The following ZFHX4 variants were observed in gnomAD, a reference collection of about 807,000 sequenced individuals.
ZFHX4 encodes zinc finger homeobox protein 4.
A neutral mutation model predicts 267.6 loss-of-function variants in ZFHX4; 56 were observed. The ratio of observed to expected loss-of-function variants is 0.21; its 90% CI spans 0.17 to 0.26. The LOEUF (loss-of-function observed/expected upper bound fraction) is 0.26. Among genes scored for constraint, ZFHX4 ranks in the 10% least tolerant of loss-of-function variants. ZFHX4 has a pLI of 1.00. For synonymous variants in ZFHX4, 1,778 were observed against 1,665.6 expected (o/e 1.07, Z -1.64); for missense variants, 4,332 against 4,420.0 (o/e 0.98, Z 0.56).
chr8:76,720,390 T>C (rs1430459855), intron 3 of ZFHX4, among the ~76,000 whole-genome samples: 1 of 152,170 alleles, frequency 6.6e-6, no homozygotes. Context: ...ATAGGTATAG[T>C]ACACTTTATT....
chr8:76,703,600 A>T (rs1449823896), intron 1 of ZFHX4: 1 of 154,346 alleles, frequency 6.5e-6, no homozygotes, highest in Non-Finnish European at 1.4e-5. Flanking sequence ...CCTTCTAGTC[A>T]CTGCCTGATA....
chr8:76,816,147 T>G (rs1373462731), intron 4 of ZFHX4, among the ~76,000 whole-genome samples: 1 of 152,200 alleles, frequency 6.6e-6, no homozygotes, highest in East Asian at 1.9e-4. Context: ...CAAAGCTAAT[T>G]CATGGTGCAA....
intron 4 of ZFHX4, chr8:76,782,366 T>C (rs1585939394): frequency 1.1e-5 from 2 of 175,914 alleles, no homozygotes; most frequent in African/African-American, 4.7e-5. Context: ...TTACCCCTTG[T>C]TAAGAATAAA....
chr8:76,835,778 G>A (rs1214363949), intron 5 of ZFHX4, among the ~76,000 whole-genome samples: 1 of 151,840 alleles, frequency 6.6e-6, no homozygotes, highest in Non-Finnish European at 1.5e-5. Flanking sequence ...AACATTTCAA[G>A]CTAAAAACAG....
intron 4 of ZFHX4, among the ~76,000 whole-genome samples, chr8:76,829,611 CCAGTTTG>C (rs1811880565): frequency 6.6e-6 from 1 of 152,048 alleles, no homozygotes; most frequent in East Asian, 1.9e-4. Flanking sequence ...GAGTTCAAGA[CCAGTTTG>C]GTCAACATGA....
intron 5 of ZFHX4, among the ~76,000 whole-genome samples, chr8:76,836,555 A>G (rs893321912): frequency 2.6e-5 from 4 of 152,136 alleles, no homozygotes; most frequent in Non-Finnish European, 5.9e-5. Context: ...TTTGGAAAAA[A>G]TTGGTCCCAT....
At chr8:76,825,514 A>G (rs1409327784) in intron 4 of ZFHX4, among the ~76,000 whole-genome samples, 1 of 152,240 alleles carries the variant, frequency 6.6e-6, no homozygotes, top group Non-Finnish European at 1.5e-5. Flanking sequence ...GGGTTGCTGT[A>G]GCAGAAGTTG....
chr8:76,849,175 T>G (rs1297117191), intron 7 of ZFHX4, 47 bp downstream of exon 7: 1 of 1,507,894 alleles, frequency 6.6e-7, no homozygotes, highest in Non-Finnish European at 8.9e-7. Context: ...TATTTTTTAT[T>G]GCTCCTGATA....
At position 76,852,658 on chromosome 8, in the gene ZFHX4, T is replaced by C. The variant is rs756067612; in HGVS notation, c.5737T>C (p.Leu1913=). 10 of 1,613,644 alleles carry C rather than the reference T, an allele frequency of 6.2e-6. No individual in the cohort carries two copies. The South Asian group carries it at 6.6e-5, about 11-fold the overall frequency. The part of the protein sequence containing the change: ...GARGNAAKAL[L]ENFGFELVIQ... ...CAGAGGAAATGCTGCCAAAGCGTTA[T>C]TGGAAAACTTTGGTTTTGAACTGGT... The change falls in exon 10 of 11, where the codon TTG becomes CTG. Residue 1913 remains leucine (L), a synonymous_variant. Coordinates refer to ENST00000651372, the MANE Select transcript of ZFHX4 (RefSeq NM_024721.5).
intron 1 of ZFHX4, among the ~76,000 whole-genome samples, chr8:76,702,444 T>A (rs1483663331): frequency 1.3e-5 from 2 of 152,208 alleles, no homozygotes; most frequent in Admixed American, 1.3e-4. Context: ...ATACTTCATA[T>A]GCCAGTGACC....
At chr8:76,738,146 C>G (rs981458782) in intron 3 of ZFHX4, among the ~76,000 whole-genome samples, 7 of 152,052 alleles carry the variant, frequency 4.6e-5, no homozygotes, top group Non-Finnish European at 8.8e-5. Context: ...TTTTTAGTGG[C>G]ACATGTATCC....
chr8:76,722,397 T>A (rs1808745303), intron 3 of ZFHX4, among the ~76,000 whole-genome samples: 1 of 152,038 alleles, frequency 6.6e-6, no homozygotes, highest in Non-Finnish European at 1.5e-5. Flanking sequence ...TAAGCTTTAA[T>A]GAGGTGGGTA....
chr8:76,855,254 C>T lies in ZFHX4; in HGVS notation c.8333C>T (p.Ser2778Phe). Reference sequence around the variant, plus strand: ...CCTTCTTCTTTTAAAGCAGAGTGTTCTGAGGATGTAGAGAATTTAAATGCC... The same window carrying T: ...CCTTCTTCTTTTAAAGCAGAGTGTTTTGAGGATGTAGAGAATTTAAATGCC... ...LSPSSFKAEC[S>F]EDVENLNAPP... The change falls in exon 10 of 11, where the codon TCT becomes TTT. Residue 2778 changes from serine (S) to phenylalanine (F), a missense_variant. Coordinates refer to ENST00000651372, the MANE Select transcript of ZFHX4 (RefSeq NM_024721.5). 1 of 1,612,312 alleles carries T rather than the reference C, an allele frequency of 6.2e-7. No homozygotes were observed.
chr8:76,685,567 T>C (rs138593512), intron 1 of ZFHX4, among the ~76,000 whole-genome samples: 92 of 152,368 alleles, frequency 6.0e-4, no homozygotes, highest in African/African-American at 2.1e-3. Flanking sequence ...GTAATATATA[T>C]GTACATTCTG....
At position 76,863,797 on chromosome 8, in the gene ZFHX4, C is replaced by A. The variant is rs140816473; in HGVS notation, c.10083C>A (p.Asn3361Lys). 2.6e-6 allele frequency: 4 copies of A among 1,552,162 alleles called. No individual in the cohort carries two copies. Among genetic ancestry groups the A allele is most frequent in the Non-Finnish European group, 3.5e-6 (4 of 1,147,266 alleles). The change falls in exon 11 of 11, where the codon AAC becomes AAA. Residue 3361 changes from asparagine to lysine, a missense_variant. Asn to Lys is a moderately conservative substitution (Grantham distance 94). Coordinates refer to ENST00000651372, the MANE Select transcript of ZFHX4 (RefSeq NM_024721.5). ...KVESDQPQNS[N>K]DASETKEDKS... is the part of the protein sequence containing the mutation. Reference sequence around the variant, plus strand: ...AAAGTGACCAGCCGCAAAACTCCAACGATGCTTCAGAAACAAAGGAAGACA... The same window carrying A: ...AAAGTGACCAGCCGCAAAACTCCAAAGATGCTTCAGAAACAAAGGAAGACA...
chr8:76,762,997 C>A (rs771790039), intron 3 of ZFHX4, among the ~76,000 whole-genome samples: 1 of 152,182 alleles, frequency 6.6e-6, no homozygotes, highest in Non-Finnish European at 1.5e-5. Context: ...GGTGCTGGAT[C>A]GAAGAGTTTC....
intron 3 of ZFHX4, among the ~76,000 whole-genome samples, chr8:76,728,558 C>T (rs1808916182): frequency 6.6e-6 from 1 of 152,114 alleles, no homozygotes; most frequent in Non-Finnish European, 1.5e-5. Flanking sequence ...GGAAAGTCTG[C>T]CCCATGTTAA....
chr8:76,851,675 A>G lies in ZFHX4; in HGVS notation c.4754A>G (p.Asn1585Ser), dbSNP rs937629540. Reference sequence around the variant, plus strand: ...TCCAGTCCTGTCCCACAAGAAACCAACAGCAACACAGATAACAAACCCTAC... The same window carrying G: ...TCCAGTCCTGTCCCACAAGAAACCAGCAGCAACACAGATAACAAACCCTAC... ...EASSPVPQETNSNTDNKPYKC... is the reference protein window; with the variant it reads ...EASSPVPQETSSNTDNKPYKC... The change falls in exon 10 of 11, where the codon AAC becomes AGC. Residue 1585 changes from asparagine to serine, a missense_variant. Asn to Ser is a conservative substitution (Grantham distance 46). Transcript: ENST00000651372. The G allele has an allele frequency of 6.2e-7, 1 of 1,613,976 alleles. No homozygotes were observed. Among genetic ancestry groups the G allele is most frequent in the Admixed American group, 1.7e-5 (1 of 60,034 alleles).
At chr8:76,822,452 CTTTT>C (rs5892566) in intron 4 of ZFHX4, among the ~76,000 whole-genome samples, 4 of 116,150 alleles carry the variant, frequency 3.4e-5, no homozygotes, top group African/African-American at 7.4e-5. Context: ...GTGTCTACCT[CTTTT>C]TTTTTTTTTT....
Sources: allele counts gnomAD v4.1 joint callset (sites outside exome capture counted in the v4.1 genomes callset), GRCh38; gene constraint gnomAD v4.1.1; transcripts MANE v1.5; gene names NCBI Gene and HGNC (gene_info 2026-07-23, HGNC 2026-07-21).